PLCG2: variants seen among roughly 807,000 people sequenced by gnomAD.
The protein encoded by PLCG2 is 1-phosphatidylinositol 4,5-bisphosphate phosphodiesterase gamma-2.
In PLCG2, 69 loss-of-function variants were observed where a neutral mutation model predicts 175.6. The observed-to-expected ratio is 0.39, with a 90% confidence interval of 0.32 to 0.48. The LOEUF (loss-of-function observed/expected upper bound fraction) is 0.48. Among genes scored for constraint, PLCG2 ranks in the 20% least tolerant of loss-of-function variants. The pLI is 0.91. For synonymous variants in PLCG2, 827 were observed against 624.0 expected, an observed-to-expected ratio of 1.33 and a Z score of -4.85; for missense variants, 1,798 against 1,650.9, an observed-to-expected ratio of 1.09 and a Z score of -1.54.
intron 2 of PLCG2, among the ~76,000 whole-genome samples, chr16:81,766,277 G>C (rs1034538162): frequency 6.6e-6 from 1 of 152,194 alleles, no homozygotes; most frequent in Admixed American, 6.6e-5. Context: ...GGGAAACACA[G>C]CCTCTCCTAG....
chr16:81,885,698 C>G (rs115630309), intron 9 of PLCG2, among the ~76,000 whole-genome samples: 20 of 152,182 alleles, frequency 1.3e-4, no homozygotes, highest in African/African-American at 4.3e-4. Context: ...AAATGCCATC[C>G]GATACCCAGC....
chr16:81,956,093 C>T (rs1911556528), intron 31 of PLCG2, among the ~76,000 whole-genome samples: 1 of 152,188 alleles, frequency 6.6e-6, no homozygotes, highest in Non-Finnish European at 1.5e-5. Context: ...TGACCTTTAA[C>T]CTACTTTGTC....
At chr16:81,755,066 T>C (rs1909893567) in intron 1 of PLCG2, among the ~76,000 whole-genome samples, 1 of 152,132 alleles carries the variant, frequency 6.6e-6, no homozygotes, top group South Asian at 2.1e-4. Context: ...TCCTCTGCTA[T>C]TGTGGTAGGC....
chr16:81,870,728 G>C (rs184164538), intron 6 of PLCG2, 124 bp from the exon 7 acceptor site: 1 of 543,906 alleles, frequency 1.8e-6, no homozygotes, highest in Non-Finnish European at 3.2e-6. Context: ...GGTCATAGCT[G>C]TCTCTTCAGC....
upstream of PLCG2, among the ~76,000 whole-genome samples, chr16:81,775,046 C>T (rs143159815): frequency 4.0e-4 from 61 of 152,210 alleles, no homozygotes; most frequent in African/African-American, 1.4e-3. Context: ...GTGCCCAGTC[C>T]ACAGATATTT....
intron 2 of PLCG2, among the ~76,000 whole-genome samples, chr16:81,840,211 G>A (rs1905745886): frequency 6.6e-6 from 1 of 152,184 alleles, no homozygotes; most frequent in Non-Finnish European, 1.5e-5. Context: ...GCTGCCTGGA[G>A]AGCATGCTTA....
chr16:81,828,391 C>A (rs991182112), intron 2 of PLCG2, among the ~76,000 whole-genome samples: 1 of 151,734 alleles, frequency 6.6e-6, no homozygotes, highest in Non-Finnish European at 1.5e-5. Flanking sequence ...GTGCCTGCCA[C>A]CACGCCCGGC....
intron 2 of PLCG2, among the ~76,000 whole-genome samples, chr16:81,818,073 C>T (rs1022033674): frequency 5.9e-5 from 9 of 152,304 alleles, no homozygotes; most frequent in Non-Finnish European, 1.2e-4. Flanking sequence ...TCTGTCGGCT[C>T]GTGTCCCCTG....
At chr16:81,813,162 T>G (rs913848812) in intron 2 of PLCG2, among the ~76,000 whole-genome samples, 2 of 152,224 alleles carry the variant, frequency 1.3e-5, no homozygotes, top group African/African-American at 4.8e-5. Context: ...TGTGGTCTCT[T>G]TTTTGGTTCC....
chr16:81,875,531 G>C (rs1025529381), intron 7 of PLCG2, among the ~76,000 whole-genome samples: 4 of 152,112 alleles, frequency 2.6e-5, no homozygotes, highest in African/African-American at 9.7e-5. Context: ...TAGCGTAACA[G>C]ACCCCCATGT....
chr16:81,752,068 A>T (rs565944569), intron 1 of PLCG2, among the ~76,000 whole-genome samples: 1 of 151,762 alleles, frequency 6.6e-6, no homozygotes, highest in Non-Finnish European at 1.5e-5. Flanking sequence ...TAATATATAT[A>T]AAAGAGCTAG....
chr16:81,942,980 G>C (rs77467590), intron 30 of PLCG2, among the ~76,000 whole-genome samples: 2,629 of 152,166 alleles, frequency 0.017, 74 homozygotes, highest in African/African-American at 0.06. Context: ...TGGGCAGCGA[G>C]AGAAGGTACA....
intron 31 of PLCG2, among the ~76,000 whole-genome samples, chr16:81,956,180 TCAC>T (rs1911560277): frequency 6.6e-6 from 1 of 152,222 alleles, no homozygotes; most frequent in Non-Finnish European, 1.5e-5. Flanking sequence ...TTGGGCTCAT[TCAC>T]TTAGCATAAT....
chr16:81,757,187 C>T (rs1472408855), intron 2 of PLCG2, among the ~76,000 whole-genome samples: 7 of 152,124 alleles, frequency 4.6e-5, no homozygotes, highest in African/African-American at 1.4e-4. Context: ...ACCCACTCAT[C>T]CACCCATCCG....
chr16:81,819,049 T>G (rs1904679714), intron 2 of PLCG2, among the ~76,000 whole-genome samples: 1 of 152,102 alleles, frequency 6.6e-6, no homozygotes, highest in Non-Finnish European at 1.5e-5. Flanking sequence ...CAGAGGAAGC[T>G]GAGGCTCAGA....
chr16:81,789,502 T>G (rs1009307156), intron 2 of PLCG2, among the ~76,000 whole-genome samples: 1 of 152,102 alleles, frequency 6.6e-6, no homozygotes, highest in African/African-American at 2.4e-5. Flanking sequence ...TTGCCGAGGC[T>G]GGTCTCCAAC....
At chr16:81,889,972 T>C (rs1908555381) in intron 10 of PLCG2, among the ~76,000 whole-genome samples, 1 of 152,050 alleles carries the variant, frequency 6.6e-6, no homozygotes, top group Non-Finnish European at 1.5e-5. Flanking sequence ...GGGTTTTTTT[T>C]TAAAGATTGT....
At chr16:81,956,556 C>G (rs1911576824) in intron 31 of PLCG2, 139 bp from the exon 32 acceptor site, 1 of 586,860 alleles carries the variant, frequency 1.7e-6, no homozygotes, top group South Asian at 2.8e-5. Flanking sequence ...TAAAATAGGC[C>G]CTGGCTCTTC....
At chr16:81,856,234 G>A (rs1463613761) in intron 3 of PLCG2, among the ~76,000 whole-genome samples, 1 of 152,170 alleles carries the variant, frequency 6.6e-6, no homozygotes, top group Non-Finnish European at 1.5e-5. Flanking sequence ...TGCCATGGGT[G>A]TACGGACTGA....
Sources: allele counts gnomAD v4.1 joint callset (sites outside exome capture counted in the v4.1 genomes callset), GRCh38; gene constraint gnomAD v4.1.1; transcripts MANE v1.5; gene names NCBI Gene and HGNC (gene_info 2026-07-23, HGNC 2026-07-21).